The following IDI1 variants were observed in gnomAD, a reference collection of about 807,000 sequenced individuals.
The protein encoded by IDI1 is isopentenyl-diphosphate Delta-isomerase 1.
In IDI1, 23 loss-of-function variants were observed where a neutral mutation model predicts 32.9. That is an observed-to-expected ratio of 0.70 (90% CI 0.50 to 0.99). IDI1 has a LOEUF of 0.99. IDI1 is among the 50% of genes least tolerant of loss of function. The pLI, the probability that IDI1 is intolerant of heterozygous loss-of-function variation, is 0.00. For missense variants in IDI1, 326 were observed against 351.9 expected (o/e 0.93, Z 0.59); for synonymous variants, 133 against 128.2 (o/e 1.04, Z -0.25).
intron 1 of IDI1, among the ~76,000 whole-genome samples, chr10:1,045,924 G>A (rs1832795675): frequency 6.6e-6 from 1 of 151,896 alleles, no homozygotes. Flanking sequence ...CAGTGATGAT[G>A]GAGATATTGA....
upstream of IDI1, among the ~76,000 whole-genome samples, chr10:1,052,899 C>A (rs766754262): frequency 2.6e-5 from 4 of 152,188 alleles, no homozygotes; most frequent in African/African-American, 4.8e-5. Context: ...CATCTTTTCC[C>A]AAAATAAGGT....
At chr10:1,045,472 CTTTT>C (rs917474666) in intron 1 of IDI1, among the ~76,000 whole-genome samples, 2 of 152,120 alleles carry the variant, frequency 1.3e-5, no homozygotes, top group African/African-American at 4.8e-5. Context: ...TACTGAAATA[CTTTT>C]TTGTTTCTGA....
At chr10:1,041,710 T>C (rs1832594269) in intron 4 of IDI1, among the ~76,000 whole-genome samples, 1 of 151,796 alleles carries the variant, frequency 6.6e-6, no homozygotes. Flanking sequence ...TAGTTTCAAG[T>C]GTTTGCGTTT....
upstream of IDI1, among the ~76,000 whole-genome samples, chr10:1,053,703 G>A (rs963821931): frequency 1.6e-4 from 25 of 151,926 alleles, no homozygotes; most frequent in African/African-American, 4.4e-4. Context: ...TTATGAAACA[G>A]TAGCCATTTT....
upstream of IDI1, among the ~76,000 whole-genome samples, chr10:1,049,821 A>T (rs895434360): frequency 3.3e-5 from 5 of 151,972 alleles, no homozygotes; most frequent in Admixed American, 3.3e-4. Context: ...CGCCCGGCTT[A>T]TTTCGTATTT....
At chr10:1,042,436 T>C (rs978187993) in intron 4 of IDI1, 196 bp downstream of exon 4, 14 of 563,614 alleles carry the variant, frequency 2.5e-5, no homozygotes, top group Non-Finnish European at 4.2e-5. Context: ...CATCCCCGTA[T>C]TGAGCTAAGT....
upstream of IDI1, among the ~76,000 whole-genome samples, chr10:1,054,104 A>C (rs574604241): frequency 3.3e-5 from 5 of 152,352 alleles, no homozygotes; most frequent in Admixed American, 3.3e-4. Flanking sequence ...ACTATAACTG[A>C]TTTAATAACG....
upstream of IDI1, chr10:1,049,472 TCC>T (rs72449284): frequency 1.1e-3 from 122 of 107,208 alleles, 1 homozygote; most frequent in East Asian, 0.01. Flanking sequence ...CTCCCCCCCC[TCC>T]CCCCCCCCGA....
chr10:1,052,034 G>A (rs997437593), upstream of IDI1, among the ~76,000 whole-genome samples: 1 of 152,088 alleles, frequency 6.6e-6, no homozygotes, highest in East Asian at 1.9e-4. Context: ...CACCATGCCC[G>A]GCTAATTTTT....
chr10:1,049,781 A>G (rs1832944751), upstream of IDI1: 1 of 152,130 alleles, frequency 6.6e-6, no homozygotes, highest in Non-Finnish European at 1.5e-5. Context: ...CAGCCTCCCA[A>G]GTAGCTGGAA....
At chr10:1,043,269 A>C (rs1262572830) in intron 3 of IDI1, 32 bp downstream of exon 3, 4 of 1,282,276 alleles carry the variant, frequency 3.1e-6, no homozygotes, top group Non-Finnish European at 4.5e-6. Context: ...TTAATGTACA[A>C]ACACAATATT....
chr10:1,054,237 A>AT, the IDI1 span, among the ~76,000 whole-genome samples: 1 of 152,232 alleles, frequency 6.6e-6, no homozygotes, highest in Non-Finnish European at 1.5e-5. Context: ...TGTAAGAAAC[A>AT]TATGATACCT....
chr10:1,055,221 G>A, the IDI1 span, among the ~76,000 whole-genome samples: 2 of 152,172 alleles, frequency 1.3e-5, no homozygotes, highest in African/African-American at 4.8e-5. Context: ...ACATTCTCAT[G>A]CTTAAAATTC....
intron 1 of IDI1, chr10:1,048,402 C>T (rs754986472): frequency 4.6e-6 from 6 of 1,304,108 alleles, no homozygotes; most frequent in Non-Finnish European, 5.1e-6. Context: ...CTTGCACGGA[C>T]GCAGGTGTAT....
chr10:1,039,488 T>C lies in IDI1; in HGVS notation c.*1699A>G, dbSNP rs976928838. On this transcript the variant is annotated 3_prime_UTR_variant, in exon 5 of 5. Transcript: ENST00000381344. ...TAAAACAGTTTAAGAAAAAAAAAAT[T>C]TATAGGTACCATTTAGCTTTCTAGT... is the stretch of plus-strand genomic sequence containing the variant. 3 of 152,188 alleles carry C rather than the reference T, an allele frequency of 2.0e-5. No homozygotes were observed. The highest frequency in any genetic ancestry group is 4.8e-5 in the African/African-American group (2 of 41,438). The allele number at this position is 152,188 out of a possible 1,614,324, so 9.4% of individuals were successfully genotyped here.
In IDI1 at chr10:1,040,939, T is replaced by C; in HGVS notation, c.*248A>G. On this transcript the variant is annotated 3_prime_UTR_variant, in exon 5 of 5. Coordinates refer to ENST00000381344, the MANE Select transcript of IDI1 (RefSeq NM_004508.4). ...ATTAAGTTTTATTTGCTCGCTCTCA[T>C]TTTACAATAATCTCTCACAAATGTC... The C allele has an allele frequency of 2.7e-6, 1 of 367,204 alleles. No homozygotes were observed. The highest frequency in any genetic ancestry group is 2.1e-5 in the African/African-American group (1 of 47,520). 22.7% of individuals were successfully genotyped at this position (367,204 alleles called of 1,614,324 possible).
upstream of IDI1, among the ~76,000 whole-genome samples, chr10:1,052,528 T>C (rs557545767): frequency 3.0e-4 from 45 of 152,276 alleles, no homozygotes; most frequent in South Asian, 9.1e-3. Context: ...TCCTTGTATA[T>C]CTCCATCAGA....
At position 1,046,572 on chromosome 10, in the gene IDI1, A is replaced by T. The variant is rs12761633; in HGVS notation, c.140+2292T>A. Among the ~76,000 whole-genome samples the T allele has an allele frequency of 1.9e-4, 3 of 16,154 alleles. 1 individual carries two copies. The highest frequency in any genetic ancestry group is 3.7e-4 in the Non-Finnish European group (3 of 8,204). The allele number at this position is 16,154 out of a possible 152,430, so 10.6% of individuals were successfully genotyped here. A position where few individuals can be genotyped will look rare whatever the true frequency, so the allele number is the denominator to read the frequency against. On this transcript the variant is annotated intron_variant, in intron 1 of 4. Coordinates refer to ENST00000381344, the MANE Select transcript of IDI1 (RefSeq NM_004508.4). ...AGCTGCTCCACTGTCTACACCACAC[A>T]GCCCAGCTGCTCCACTGTCTACACC...
Position 1,044,171 on chromosome 10 carries a change from A to G in IDI1, c.141T>C (p.Ser47=). 6.3e-7 allele frequency: 1 copy of G among 1,592,826 alleles called. No homozygotes were observed. The highest frequency in any genetic ancestry group is 8.5e-7 in the Non-Finnish European group (1 of 1,169,738). The change falls in exon 2 of 5, where the codon AGT becomes AGC. Residue 47 remains serine (S), a splice_region_variant and synonymous_variant. Coordinates refer to ENST00000381344, the MANE Select transcript of IDI1 (RefSeq NM_004508.4). ...CAAAATGTCTGATCTGTTCTAGAAC[A>G]CTAATATTAAAGGAAAAGAGAAAGA... is the stretch of plus-strand genomic sequence containing the variant. ...PAVVCGRRLI[S]VLEQIRHFVM... is the part of the protein sequence containing the mutation.
Sources: gnomAD v4.1 joint callset for allele counts (sites outside exome capture counted in the v4.1 genomes callset) on GRCh38, gnomAD v4.1.1 for gene constraint, MANE v1.5 for transcripts, NCBI Gene and HGNC (gene_info 2026-07-23, HGNC 2026-07-21) for gene names.